The following STAG1 variants were observed in gnomAD, a reference collection of about 807,000 sequenced individuals.
STAG1 encodes STAG1 cohesin complex component.
Under a neutral mutation model 170.9 loss-of-function variants are expected in STAG1, and 26 were observed. The ratio of observed to expected loss-of-function variants is 0.15; its 90% CI spans 0.11 to 0.21. The LOEUF (loss-of-function observed/expected upper bound fraction) is 0.21, where lower values mean the gene tolerates loss of function less well. Among genes scored for constraint, STAG1 ranks in the 10% least tolerant of loss-of-function variants. The pLI is 1.00. For synonymous variants in STAG1, 514 were observed against 497.7 expected, an observed-to-expected ratio of 1.03 and a Z score of -0.44; for missense variants, 964 against 1,509.5, an observed-to-expected ratio of 0.64 and a Z score of 5.99.
intron 5 of STAG1, among the ~76,000 whole-genome samples, chr3:136,551,193 G>A (rs58672018): frequency 0.062 from 7,352 of 118,828 alleles, 1,351 homozygotes; most frequent in African/African-American, 0.28. Flanking sequence ...GAGAGAGAGA[G>A]AGGTTGAGAG....
chr3:136,341,968 T>G (rs916943442), intron 30 of STAG1, among the ~76,000 whole-genome samples: 1 of 152,178 alleles, frequency 6.6e-6, no homozygotes, highest in African/African-American at 2.4e-5. Context: ...AAATCTGCAC[T>G]TGTACTCTAA....
intron 1 of STAG1, among the ~76,000 whole-genome samples, chr3:136,694,591 G>C: frequency 6.6e-6 from 1 of 150,976 alleles, no homozygotes; most frequent in East Asian, 1.9e-4. Context: ...CTAGGCTGCA[G>C]AGTGAGATGC....
intron 6 of STAG1, among the ~76,000 whole-genome samples, chr3:136,537,368 G>A (rs889348571): frequency 6.6e-6 from 1 of 152,078 alleles, no homozygotes; most frequent in African/African-American, 2.4e-5. Flanking sequence ...TAACAGAGTA[G>A]CAAAGAGTTC....
intron 14 of STAG1, among the ~76,000 whole-genome samples, chr3:136,450,786 G>A (rs939059197): frequency 1.3e-5 from 2 of 151,982 alleles, no homozygotes; most frequent in Non-Finnish European, 2.9e-5. Context: ...GCTCTGTCGC[G>A]AAGTGTGGAG....
chr3:136,507,199 A>G (rs1349534436), intron 7 of STAG1, among the ~76,000 whole-genome samples: 1 of 152,214 alleles, frequency 6.6e-6, no homozygotes, highest in African/African-American at 2.4e-5. Context: ...CCCAGCTCTT[A>G]AACACACCAT....
chr3:136,623,334 G>T, intron 2 of STAG1, 86 bp from the exon 3 acceptor site: 1 of 1,212,790 alleles, frequency 8.2e-7, no homozygotes, highest in Non-Finnish European at 1.2e-6. Context: ...CCTGCTATAT[G>T]GCTGATTAGA....
intron 3 of STAG1, among the ~76,000 whole-genome samples, chr3:136,614,847 G>A (rs960847415): frequency 9.9e-5 from 15 of 151,938 alleles, no homozygotes; most frequent in Non-Finnish European, 1.9e-4. Flanking sequence ...AATGAGCTGT[G>A]AATGTGAAAT....
chr3:136,558,289 G>T (rs905862040), intron 5 of STAG1, among the ~76,000 whole-genome samples: 1 of 152,162 alleles, frequency 6.6e-6, no homozygotes, highest in Non-Finnish European at 1.5e-5. Flanking sequence ...CTACTAGGGG[G>T]GCTGAAACAG....
At chr3:136,445,079 T>G (rs1346041164) in intron 14 of STAG1, among the ~76,000 whole-genome samples, 1 of 149,718 alleles carries the variant, frequency 6.7e-6, no homozygotes. Flanking sequence ...CTGGTTTCAG[T>G]GTGAATTTTA....
At chr3:136,712,778 G>T (rs527599256) in intron 1 of STAG1, among the ~76,000 whole-genome samples, 2 of 152,276 alleles carry the variant, frequency 1.3e-5, no homozygotes, top group South Asian at 4.1e-4. Flanking sequence ...AACAGAAATG[G>T]CTTCACATGT....
intron 6 of STAG1, among the ~76,000 whole-genome samples, chr3:136,533,559 G>A (rs989269900): frequency 2.6e-5 from 4 of 152,128 alleles, no homozygotes; most frequent in Non-Finnish European, 5.9e-5. Context: ...GTGAGCCAGT[G>A]AATCACATGG....
At chr3:136,577,935 A>G (rs1419160955) in intron 4 of STAG1, among the ~76,000 whole-genome samples, 1 of 152,186 alleles carries the variant, frequency 6.6e-6, no homozygotes, top group Non-Finnish European at 1.5e-5. Flanking sequence ...GTGCACTGAA[A>G]GCTGGATTTA....
intron 4 of STAG1, among the ~76,000 whole-genome samples, chr3:136,600,896 TTTTGTTTTG>T (rs1463913239): frequency 1.9e-4 from 28 of 147,412 alleles, no homozygotes; most frequent in Admixed American, 1.0e-3. Context: ...TTTTGTTTTG[TTTTGTTTTG>T]TTTGAGAAGA....
At chr3:136,707,338 C>A (rs897778173) in intron 1 of STAG1, among the ~76,000 whole-genome samples, 2 of 152,114 alleles carry the variant, frequency 1.3e-5, no homozygotes, top group African/African-American at 4.8e-5. Context: ...TACAACTCAA[C>A]AACAAAAGAC....
intron 5 of STAG1, among the ~76,000 whole-genome samples, chr3:136,550,483 ATT>A (rs1186552898): frequency 6.6e-6 from 1 of 151,706 alleles, no homozygotes; most frequent in African/African-American, 2.4e-5. Flanking sequence ...AATTTTTTGT[ATT>A]TTTAGTAGTG....
intron 6 of STAG1, among the ~76,000 whole-genome samples, chr3:136,533,620 A>G (rs929642358): frequency 6.6e-6 from 1 of 152,098 alleles, no homozygotes; most frequent in Non-Finnish European, 1.5e-5. Flanking sequence ...AAATAACCAG[A>G]TATCTTGTGA....
At chr3:136,599,775 A>T (rs1172457186) in intron 4 of STAG1, among the ~76,000 whole-genome samples, 4 of 152,210 alleles carry the variant, frequency 2.6e-5, no homozygotes, top group Non-Finnish European at 5.9e-5. Context: ...GTACTGTTTT[A>T]AGAATTTACT....
intron 23 of STAG1, among the ~76,000 whole-genome samples, chr3:136,373,362 G>C (rs1433566597): frequency 6.6e-6 from 1 of 152,064 alleles, no homozygotes; most frequent in Non-Finnish European, 1.5e-5. Context: ...GTTCTGCTCT[G>C]ATCTTAGTTA....
chr3:136,743,393 T>C lies in STAG1; in HGVS notation c.-84+8802A>G, dbSNP rs929749199. The stretch of plus-strand genomic sequence containing the variant: ...CAAAAAAAAAAAATAATAATAACAA[T>C]ACCAGAAATTAAAGAAGAGATATCA... On this transcript the variant is annotated intron_variant, in intron 1 of 33. Coordinates refer to ENST00000383202, the MANE Select transcript of STAG1 (RefSeq NM_005862.3). 2.7e-5 allele frequency among the ~76,000 whole-genome samples: 4 copies of C among 150,224 alleles called. No individual in the cohort carries two copies. In the South Asian group the frequency reaches 8.4e-4, roughly 32 times the overall value.
Sources: gnomAD v4.1 joint callset for allele counts (sites outside exome capture counted in the v4.1 genomes callset) on GRCh38, gnomAD v4.1.1 for gene constraint, MANE v1.5 for transcripts, NCBI Gene and HGNC (gene_info 2026-07-23, HGNC 2026-07-21) for gene names.